FBF1: variants seen among roughly 807,000 people sequenced by gnomAD.
FBF1 encodes Fas binding factor 1.
In FBF1, 119 loss-of-function variants were observed where a neutral mutation model predicts 147.2. The ratio of observed to expected loss-of-function variants is 0.81; its 90% CI spans 0.70 to 0.94. The LOEUF (loss-of-function observed/expected upper bound fraction) is 0.94. Ranked by LOEUF, FBF1 falls within the 40% of genes least tolerant of loss-of-function variation. FBF1 has a pLI of 0.00. For synonymous variants in FBF1, 601 were observed against 609.0 expected (o/e 0.99, Z 0.19); for missense variants, 1,449 against 1,500.8 (o/e 0.97, Z 0.57).
intron 4 of FBF1, 125 bp downstream of exon 4, chr17:75,935,507 C>T: frequency 1.0e-6 from 1 of 982,932 alleles, no homozygotes; most frequent in Non-Finnish European, 1.5e-6. Context: ...AATCCCAGCA[C>T]TTTGGTTTAG....
intron 2 of FBF1, chr17:75,937,944 C>A (rs1324779998): frequency 1.4e-6 from 1 of 724,076 alleles, no homozygotes; most frequent in Non-Finnish European, 2.3e-6. Flanking sequence ...AAAAACGCTT[C>A]CAGCTGGACA....
Position 75,931,217 on chromosome 17 carries a change from A to T in FBF1, c.228+12T>A. The T allele has an allele frequency of 6.4e-7, 1 of 1,568,572 alleles. No homozygotes were observed. The highest frequency in any genetic ancestry group is 8.6e-7 in the Non-Finnish European group (1 of 1,156,766). On this transcript the variant is annotated intron_variant, in intron 6 of 29. Coordinates refer to ENST00000636174, the MANE Select transcript of FBF1 (RefSeq NM_001319193.2). ...GATAAGTAGGGAGGTGGAGGGAAAC[A>T]GCCAGGCTCACCTCAGCATCAGCTT...
At position 75,920,442 on chromosome 17, in the gene FBF1, A is replaced by G. The variant is rs765223253; in HGVS notation, c.1675-13T>C. ...CTGGGAGCAGGGGCTGGAGGAGAGG[A>G]AGAGAGGTGTTTCTAGTTAGGGAGG... is the stretch of plus-strand genomic sequence containing the variant. On this transcript the variant is annotated splice_polypyrimidine_tract_variant and intron_variant, in intron 17 of 29. Coordinates refer to ENST00000636174, the MANE Select transcript of FBF1 (RefSeq NM_001319193.2). The G allele has an allele frequency of 2.8e-5, 44 of 1,597,834 alleles. No homozygotes were observed. In the East Asian group the frequency reaches 9.7e-4, roughly 35 times the overall value.
intron 7 of FBF1, among the ~76,000 whole-genome samples, chr17:75,929,788 ACT>A (rs2065583047): frequency 6.6e-6 from 1 of 152,010 alleles, no homozygotes; most frequent in Non-Finnish European, 1.5e-5. Flanking sequence ...GGCACTCTCC[ACT>A]CTCTATATAC....
chr17:75,912,395 CG>C (rs2065461648), intron 28 of FBF1, 88 bp from the exon 29 acceptor site: 1 of 990,612 alleles, frequency 1.0e-6, no homozygotes, highest in African/African-American at 1.7e-5. Flanking sequence ...CTGCTCCCCC[CG>C]CCAGTGGGTG....
In FBF1 at chr17:75,925,637, C is replaced by T. The variant is rs2065555494; in HGVS notation, c.869-191G>A. 6.6e-6 allele frequency among the ~76,000 whole-genome samples: 1 copy of T among 152,192 alleles called. No individual in the cohort carries two copies. The highest frequency in any genetic ancestry group is 1.5e-5 in the Non-Finnish European group (1 of 68,032). On this transcript the variant is annotated intron_variant, in intron 12 of 29. Transcript: ENST00000636174. This position sits in a 1 kb window ranked among gnomAD's most constrained non-coding sequence, Gnocchi z 5.0. ...GGCCTTGCAGTAGCCAGACCCTGCC[C>T]CAGGATCCCTCGAGGTCAGGTCCAG...
intron 8 of FBF1, among the ~76,000 whole-genome samples, chr17:75,927,745 ATGAGTCACT>A (rs2065570943): frequency 6.6e-6 from 1 of 152,106 alleles, no homozygotes; most frequent in Non-Finnish European, 1.5e-5. Flanking sequence ...CTTCCTCATC[ATGAGTCACT>A]CCAGAGACAT....
chr17:75,923,234 G>A lies in FBF1; in HGVS notation c.1376C>T (p.Ser459Phe). Reference protein sequence around the residue: ...GLAREQHAGTSEGLHLAGTAG... With the variant: ...GLAREQHAGTFEGLHLAGTAG... ...TGTCCCCGCCAAATGCAGGCCCTCA[G>A]AGGTCCCAGCATGCTGCTCTCTGGC... The change falls in exon 14 of 30, where the codon TCT becomes TTT. Residue 459 changes from serine to phenylalanine, a missense_variant. By Grantham distance (155) the Ser-to-Phe change is radical. Transcript: ENST00000636174. This position sits in a 1 kb window ranked among gnomAD's most constrained non-coding sequence, Gnocchi z 4.1. 1 of 1,592,734 alleles carries A rather than the reference G, an allele frequency of 6.3e-7. No homozygotes were observed. The highest frequency in any genetic ancestry group is 8.5e-7 in the Non-Finnish European group (1 of 1,170,258).
chr17:75,931,094 CA>C, intron 6 of FBF1, 134 bp downstream of exon 6: 1 of 934,222 alleles, frequency 1.1e-6, no homozygotes, highest in Non-Finnish European at 1.6e-6. Flanking sequence ...GACTCCATCT[CA>C]AAAAACAAAC....
intron 6 of FBF1, among the ~76,000 whole-genome samples, chr17:75,930,951 C>T (rs2065590764): frequency 6.6e-6 from 1 of 151,824 alleles, no homozygotes; most frequent in Non-Finnish European, 1.5e-5. Flanking sequence ...AAAAATTAGC[C>T]AGTCATGGTG....
At chr17:75,916,569 T>C (rs1446369253) in intron 23 of FBF1, among the ~76,000 whole-genome samples, 3 of 150,946 alleles carry the variant, frequency 2.0e-5, no homozygotes, top group Non-Finnish European at 4.4e-5. Context: ...CAGTGAGCTA[T>C]GATCACACCA....
rs565493748 is a variant in FBF1, at chr17:75,928,311, A to G, written c.280-118T>C. On this transcript the variant is annotated intron_variant, in intron 7 of 29. Coordinates refer to ENST00000636174, the MANE Select transcript of FBF1 (RefSeq NM_001319193.2). The surrounding 1 kb of genome is among the most constrained non-coding windows in gnomAD (Gnocchi z 4.2). ...TAGAATTGTGAGAAAACAAAGGAAA[A>G]TGAGAAAACTGTTGAGAAAAACAGT... 2.1e-4 allele frequency: 165 copies of G among 772,656 alleles called. No individual in the cohort carries two copies. The African/African-American group carries it at 2.6e-3, about 12-fold the overall frequency. 47.9% of individuals were successfully genotyped at this position (772,656 alleles called of 1,614,324 possible).
Position 75,922,451 on chromosome 17 carries a change from G to A in FBF1, c.1425-405C>T, listed in dbSNP as rs749918740. On this transcript the variant is annotated intron_variant, in intron 14 of 29. Coordinates refer to ENST00000636174, the MANE Select transcript of FBF1 (RefSeq NM_001319193.2). This position sits in a 1 kb window ranked among gnomAD's most constrained non-coding sequence, Gnocchi z 5.0. ...TATTTCCACCTCTTTCTCGGCTCAC[G>A]GGTCAGTGAAGAGACAGGCTCTTTT... 4.6e-5 allele frequency among the ~76,000 whole-genome samples: 7 copies of A among 152,084 alleles called. No homozygotes were observed. Among genetic ancestry groups the A allele is most frequent in the African/African-American group, 9.7e-5 (4 of 41,402 alleles).
In FBF1 at chr17:75,937,743, C is replaced by A. The variant is rs148201699; in HGVS notation, c.4-150G>T. On this transcript the variant is annotated intron_variant, in intron 2 of 29. Coordinates refer to ENST00000636174, the MANE Select transcript of FBF1 (RefSeq NM_001319193.2). ...TAGAGATGTAAGTCCTTTATGTGTT[C>A]CTATAGTTTCTGAGAACGGACTCAT... The A allele has an allele frequency of 7.3e-4, 601 of 827,306 alleles. 1 individual carries two copies. The highest frequency in any genetic ancestry group is 1.1e-3 in the Non-Finnish European group (555 of 496,648). The allele number at this position is 827,306 out of a possible 1,614,324, so 51.2% of individuals were successfully genotyped here. A position where few individuals can be genotyped will look rare whatever the true frequency, so the allele number is the denominator to read the frequency against.
intron 4 of FBF1, among the ~76,000 whole-genome samples, chr17:75,935,124 C>T (rs571657555): frequency 7.2e-5 from 11 of 151,834 alleles, no homozygotes; most frequent in African/African-American, 2.7e-4. Context: ...CTGAGTTGTA[C>T]ACTTTACAGG....
In FBF1 at chr17:75,919,555, A is replaced by AC. The variant is rs1868473634; in HGVS notation, c.2138+112dup. The AC allele has an allele frequency of 1.6e-6, 2 of 1,224,472 alleles. No homozygotes were observed. The highest frequency in any genetic ancestry group is 3.0e-5 in the African/African-American group (2 of 67,062). 75.9% of individuals were successfully genotyped at this position (1,224,472 alleles called of 1,614,324 possible). A position where few individuals can be genotyped will look rare whatever the true frequency, so the allele number is the denominator to read the frequency against. On this transcript the variant is annotated intron_variant, in intron 20 of 29. Transcript: ENST00000636174. The surrounding 1 kb of genome is among the most constrained non-coding windows in gnomAD (Gnocchi z 5.0). Reference sequence around the variant, plus strand: ...TCACTCACTGGACTGGGAGGGAAGGACCCAACCCCTGTCCAAAGGCTGCTG... The same window carrying AC: ...TCACTCACTGGACTGGGAGGGAAGGACCCCAACCCCTGTCCAAAGGCTGCTG...
At chr17:75,937,986 A>G in intron 2 of FBF1, 161 bp downstream of exon 2, 1 of 1,101,742 alleles carries the variant, frequency 9.1e-7, no homozygotes. Context: ...TTGGTCGTCG[A>G]AAGTTTGGTA....
In FBF1 at chr17:75,928,267, G is replaced by C. The variant is rs2065574337; in HGVS notation, c.280-74C>G. On this transcript the variant is annotated intron_variant, in intron 7 of 29. Coordinates refer to ENST00000636174, the MANE Select transcript of FBF1 (RefSeq NM_001319193.2). This position sits in a 1 kb window ranked among gnomAD's most constrained non-coding sequence, Gnocchi z 4.2. ...GAGGACTTCCACCTGAGAGAGATGG[G>C]CTGTTGGCACCCCAGGTGTAGAATT... 1 of 1,172,806 alleles carries C rather than the reference G, an allele frequency of 8.5e-7. No homozygotes were observed. The highest frequency in any genetic ancestry group is 1.3e-6 in the Non-Finnish European group (1 of 790,680). 72.6% of individuals were successfully genotyped at this position (1,172,806 alleles called of 1,614,324 possible).
At chr17:75,929,945 A>AGCG in intron 7 of FBF1, 52 bp downstream of exon 7, 1 of 650,912 alleles carries the variant, frequency 1.5e-6, no homozygotes, top group South Asian at 1.6e-5. Context: ...AAATATCATG[A>AGCG]CCCCACCCCA....
Sources: gnomAD v4.1 joint callset for allele counts (sites outside exome capture counted in the v4.1 genomes callset) on GRCh38, gnomAD v4.1.1 for gene constraint, Gnocchi (gnomAD v3.1) non-coding constraint, MANE v1.5 for transcripts, NCBI Gene and HGNC (gene_info 2026-07-23, HGNC 2026-07-21) for gene names.